PDE7A: variants seen among roughly 807,000 people sequenced by gnomAD.
The protein encoded by PDE7A is phosphodiesterase 7A.
A neutral mutation model predicts 64.3 loss-of-function variants in PDE7A; 39 were observed. The observed-to-expected ratio is 0.61, with a 90% CI of 0.47 to 0.79. PDE7A has a LOEUF of 0.79. Ranked by LOEUF, PDE7A falls within the 30% of genes least tolerant of loss-of-function variation. PDE7A has a pLI of 0.00. For synonymous variants in PDE7A, 203 were observed against 206.8 expected, an observed-to-expected ratio of 0.98 and a Z score of 0.16; for missense variants, 470 against 582.8, an observed-to-expected ratio of 0.81 and a Z score of 1.99.
chr8:65,752,133 C>T (rs564508578), intron 3 of PDE7A, among the ~76,000 whole-genome samples: 3 of 152,186 alleles, frequency 2.0e-5, no homozygotes, highest in South Asian at 2.1e-4. Flanking sequence ...AGTTATTGCA[C>T]GAGGAAGTCA....
At chr8:65,753,498 G>A (rs778563547) in intron 3 of PDE7A, among the ~76,000 whole-genome samples, 1 of 152,128 alleles carries the variant, frequency 6.6e-6, no homozygotes, top group Non-Finnish European at 1.5e-5. Flanking sequence ...TTGTACTTCA[G>A]GGTGAGCTCC....
chr8:65,829,296 A>G (rs749708267), intron 1 of PDE7A, among the ~76,000 whole-genome samples: 8 of 152,142 alleles, frequency 5.3e-5, no homozygotes, highest in Non-Finnish European at 1.2e-4. Flanking sequence ...TCACATTTCA[A>G]CAAATCAAAT....
At chr8:65,777,122 G>A (rs979676602) in intron 3 of PDE7A, among the ~76,000 whole-genome samples, 14 of 79,640 alleles carry the variant, frequency 1.8e-4, no homozygotes, top group African/African-American at 6.3e-4. Flanking sequence ...TGTTCTTGTT[G>A]CCCAGACTGG....
chr8:65,726,393 T>C (rs1806611519), intron 9 of PDE7A, among the ~76,000 whole-genome samples: 1 of 152,188 alleles, frequency 6.6e-6, no homozygotes, highest in Non-Finnish European at 1.5e-5. Flanking sequence ...GCTCTAGAAG[T>C]GTGACTCCAG....
intron 1 of PDE7A, among the ~76,000 whole-genome samples, chr8:65,825,751 C>A (rs1810656888): frequency 6.6e-6 from 1 of 152,006 alleles, no homozygotes; most frequent in African/African-American, 2.4e-5. Context: ...TTTCTTTATT[C>A]TTTTGTAAAG....
chr8:65,782,341 T>A (rs1809442461), intron 2 of PDE7A, among the ~76,000 whole-genome samples: 1 of 152,192 alleles, frequency 6.6e-6, no homozygotes, highest in Non-Finnish European at 1.5e-5. Context: ...ATAAAAAATT[T>A]AAGCACCAGA....
chr8:65,830,775 G>C (rs1243143540), intron 1 of PDE7A, among the ~76,000 whole-genome samples: 2 of 151,994 alleles, frequency 1.3e-5, no homozygotes, highest in African/African-American at 4.8e-5. Context: ...ACTCAGAACT[G>C]AGTGACCATT....
chr8:65,737,840 C>A (rs1807216482), intron 6 of PDE7A, among the ~76,000 whole-genome samples: 1 of 152,124 alleles, frequency 6.6e-6, no homozygotes, highest in South Asian at 2.1e-4. Flanking sequence ...TTAAATGTCC[C>A]CACCAGCAAC....
At chr8:65,813,528 C>A (rs539710837) in intron 1 of PDE7A, among the ~76,000 whole-genome samples, 1 of 152,050 alleles carries the variant, frequency 6.6e-6, no homozygotes, top group African/African-American at 2.4e-5. Context: ...AAAATGATAG[C>A]TGATTTTCAA....
At chr8:65,840,011 T>A (rs941494363) in intron 1 of PDE7A, among the ~76,000 whole-genome samples, 1 of 152,202 alleles carries the variant, frequency 6.6e-6, no homozygotes, top group Admixed American at 6.5e-5. Flanking sequence ...TAAAAAAAGT[T>A]ACTACCATTA....
chr8:65,827,020 C>A (rs1049622021), intron 1 of PDE7A, among the ~76,000 whole-genome samples: 10 of 152,170 alleles, frequency 6.6e-5, no homozygotes, highest in African/African-American at 9.7e-5. Flanking sequence ...GAGGGTCTGT[C>A]TTAATCCCAT....
chr8:65,768,457 A>C (rs1808911493), intron 3 of PDE7A, among the ~76,000 whole-genome samples: 1 of 152,130 alleles, frequency 6.6e-6, no homozygotes, highest in Admixed American at 6.5e-5. Context: ...TTCCCTGCAC[A>C]ACCTCTCTTG....
chr8:65,717,065 C>T lies in PDE7A; in HGVS notation c.*2225G>A, dbSNP rs1308522978. 3.3e-5 allele frequency among the ~76,000 whole-genome samples: 5 copies of T among 152,132 alleles called. No individual in the cohort carries two copies. Among genetic ancestry groups the T allele is most frequent in the African/African-American group, 1.2e-4 (5 of 41,416 alleles). On this transcript the variant is annotated 3_prime_UTR_variant, in exon 13 of 13. Coordinates refer to ENST00000401827, the MANE Select transcript of PDE7A (RefSeq NM_001242318.3). The stretch of plus-strand genomic sequence containing the variant: ...AAACATCTAATTGTTTTTATATTGA[C>T]ATTTTAAAGTGATACAATATTTTGG...
At chr8:65,754,822 GGGCATGGT>G (rs1430123493) in intron 3 of PDE7A, among the ~76,000 whole-genome samples, 1 of 149,078 alleles carries the variant, frequency 6.7e-6, no homozygotes, top group Non-Finnish European at 1.5e-5. Flanking sequence ...AAAATAAGCT[GGGCATGGT>G]GGCATGCACC....
chr8:65,736,706 CG>C (rs1807144194), intron 6 of PDE7A, among the ~76,000 whole-genome samples: 1 of 149,970 alleles, frequency 6.7e-6, no homozygotes, highest in South Asian at 2.1e-4. Flanking sequence ...GCCATGATCA[CG>C]CCACTGCACT....
chr8:65,814,640 T>C (rs1349207319), intron 1 of PDE7A, among the ~76,000 whole-genome samples: 1 of 151,840 alleles, frequency 6.6e-6, no homozygotes, highest in Non-Finnish European at 1.5e-5. Flanking sequence ...CAGGAAACTA[T>C]AAACATTGCT....
Position 65,727,160 on chromosome 8 carries a change from T to C in PDE7A, c.828+10A>G, listed in dbSNP as rs767103153. 7.0e-7 allele frequency: 1 copy of C among 1,432,902 alleles called. No individual in the cohort carries two copies. Among genetic ancestry groups the C allele is most frequent in the Non-Finnish European group, 9.8e-7 (1 of 1,023,152 alleles). 88.8% of individuals were successfully genotyped at this position (1,432,902 alleles called of 1,614,324 possible). Reference sequence around the variant, plus strand: ...AAAATAATAAATCTTGATGATAAAATTGCACTAACCTTGTATAAAGTTGCC... The same window carrying C: ...AAAATAATAAATCTTGATGATAAAACTGCACTAACCTTGTATAAAGTTGCC... On this transcript the variant is annotated intron_variant, in intron 8 of 12. Transcript: ENST00000401827.
At chr8:65,840,402 A>G (rs1360420075) in intron 1 of PDE7A, among the ~76,000 whole-genome samples, 3 of 108,952 alleles carry the variant, frequency 2.8e-5, no homozygotes, top group South Asian at 2.3e-4. Context: ...CTACCTGCAC[A>G]CACACACACA....
At chr8:65,811,485 A>G (rs1227541214) in intron 1 of PDE7A, among the ~76,000 whole-genome samples, 2 of 152,254 alleles carry the variant, frequency 1.3e-5, no homozygotes, top group Non-Finnish European at 2.9e-5. Context: ...GCCAGACGGC[A>G]TGAGAGGCTG....
Sources: gnomAD v4.1 joint callset for allele counts (sites outside exome capture counted in the v4.1 genomes callset) on GRCh38, gnomAD v4.1.1 for gene constraint, MANE v1.5 for transcripts, NCBI Gene and HGNC (gene_info 2026-07-23, HGNC 2026-07-21) for gene names.